GRIA4: variants seen among roughly 807,000 people sequenced by gnomAD.
GRIA4 encodes the protein glutamate receptor 4.
GRIA4 carries 34 observed loss-of-function variants against 104.0 expected under a neutral mutation model. That is an observed-to-expected ratio of 0.33 (90% CI 0.25 to 0.44). The LOEUF (loss-of-function observed/expected upper bound fraction) is 0.44, where lower values mean the gene tolerates loss of function less well. GRIA4 is among the 20% of genes least tolerant of loss of function. The pLI, the probability that GRIA4 is intolerant of heterozygous loss-of-function variation, is 1.00. For missense variants in GRIA4, 750 were observed against 1,096.5 expected (o/e 0.68, Z 4.46); for synonymous variants, 386 against 381.9 (o/e 1.01, Z -0.13).
chr11:105,688,517 C>G (rs936599578), intron 3 of GRIA4, among the ~76,000 whole-genome samples: 1 of 151,956 alleles, frequency 6.6e-6, no homozygotes, highest in Non-Finnish European at 1.5e-5. Context: ...GAGCCGAGAT[C>G]GTGCCACTGC....
chr11:105,905,348 T>C (rs377061133), intron 9 of GRIA4, 47 bp downstream of exon 9: 5 of 1,027,608 alleles, frequency 4.9e-6, no homozygotes, highest in Non-Finnish European at 7.7e-6. Flanking sequence ...TTTCTTAGTT[T>C]GTATGTAACA....
At chr11:105,643,636 A>T (rs1157964420) in intron 3 of GRIA4, among the ~76,000 whole-genome samples, 3 of 152,198 alleles carry the variant, frequency 2.0e-5, no homozygotes, top group African/African-American at 7.2e-5. Flanking sequence ...TGGTTATAGA[A>T]AAGGGGGTAG....
intron 4 of GRIA4, among the ~76,000 whole-genome samples, chr11:105,832,649 T>C (rs904988213): frequency 6.6e-6 from 1 of 151,974 alleles, no homozygotes; most frequent in African/African-American, 2.4e-5. Flanking sequence ...CTCAACTATA[T>C]TAAAGATCAA....
chr11:105,734,145 G>GC lies in GRIA4; in HGVS notation c.248-18835dup, dbSNP rs1271505080. On this transcript the variant is annotated intron_variant, in intron 3 of 16. Transcript: ENST00000282499. ...AGACACTGACAGATCTACTCAATTG[G>GC]CATTTTCCCTTGAATTTTCTCCAGG... 7.3e-5 allele frequency among the ~76,000 whole-genome samples: 11 copies of GC among 149,696 alleles called. 1 individual carries two copies. In the South Asian group the frequency reaches 2.1e-3, roughly 29 times the overall value.
At position 105,974,432 on chromosome 11, in the gene GRIA4, G is replaced by T. The variant is rs116838366; in HGVS notation, c.2532G>T (p.Ala844=). The change falls in exon 16 of 17, where the codon GCG becomes GCT. Residue 844 remains alanine, a synonymous_variant. Coordinates refer to ENST00000282499, the MANE Select transcript of GRIA4 (RefSeq NM_000829.4). ...IEFCYKSRAE[A]KRMKLTFSEA... Reference sequence around the variant, plus strand: ...TCTGTTACAAGTCCAGGGCAGAAGCGAAGAGAATGAAGGTGGCAAAGAGTG... The same window carrying T: ...TCTGTTACAAGTCCAGGGCAGAAGCTAAGAGAATGAAGGTGGCAAAGAGTG... The T allele has an allele frequency of 1.1e-5, 17 of 1,613,832 alleles. No individual in the cohort carries two copies. The South Asian group carries it at 1.8e-4, about 17-fold the overall frequency.
At chr11:105,801,277 CAGAAAAATT>C (rs1257378715) in intron 4 of GRIA4, among the ~76,000 whole-genome samples, 1 of 151,272 alleles carries the variant, frequency 6.6e-6, no homozygotes, top group Non-Finnish European at 1.5e-5. Context: ...GTGAAAAATA[CAGAAAAATT>C]AGATTGTGAT....
chr11:105,802,798 ATT>A (rs1942779143), intron 4 of GRIA4, among the ~76,000 whole-genome samples: 1 of 151,800 alleles, frequency 6.6e-6, no homozygotes, highest in African/African-American at 2.4e-5. Flanking sequence ...TTTATTTTTT[ATT>A]TGTTTATTTC....
intron 3 of GRIA4, among the ~76,000 whole-genome samples, chr11:105,679,233 T>G (rs921978669): frequency 3.3e-5 from 5 of 152,172 alleles, no homozygotes; most frequent in South Asian, 4.1e-4. Flanking sequence ...GCTGATTGGA[T>G]GAGAACCAAC....
At chr11:105,955,939 C>T (rs1487933604) in intron 14 of GRIA4, among the ~76,000 whole-genome samples, 1 of 152,092 alleles carries the variant, frequency 6.6e-6, no homozygotes, top group East Asian at 1.9e-4. Flanking sequence ...CGTGTCTGTT[C>T]ATGTGCTTTG....
chr11:105,628,250 T>G lies in GRIA4; in HGVS notation c.247+15816T>G, dbSNP rs146203125. Among the ~76,000 whole-genome samples the G allele has an allele frequency of 1.8e-4, 27 of 152,354 alleles. No homozygotes were observed. In the East Asian group the frequency reaches 5.0e-3, roughly 28 times the overall value. On this transcript the variant is annotated intron_variant, in intron 3 of 16. Transcript: ENST00000282499. ...CTTTGCCCACCATTATTTGCAAATT[T>G]ATTTCTTAAAAATGAAAATACAGCA...
At chr11:105,618,328 G>T (rs1357125613) in intron 3 of GRIA4, among the ~76,000 whole-genome samples, 1 of 151,910 alleles carries the variant, frequency 6.6e-6, no homozygotes, top group Non-Finnish European at 1.5e-5. Flanking sequence ...ATTGGAAGAG[G>T]ACAAAATAGG....
At chr11:105,975,283 C>T (rs186667722) in intron 16 of GRIA4, among the ~76,000 whole-genome samples, 68 of 152,076 alleles carry the variant, frequency 4.5e-4, no homozygotes, top group African/African-American at 1.5e-3. Context: ...CCATCAGAGA[C>T]GTCAGCAATA....
Position 105,979,833 on chromosome 11 carries a change from A to G in GRIA4, c.*94A>G. On this transcript the variant is annotated 3_prime_UTR_variant, in exon 17 of 17. Coordinates refer to ENST00000282499, the MANE Select transcript of GRIA4 (RefSeq NM_000829.4). ...CACGCCACGCGCGGGTCTTTGCTAAACCAATCCTTTGGCTGAGAGCGGGAA... is the reference window on the plus strand; with the variant it reads ...CACGCCACGCGCGGGTCTTTGCTAAGCCAATCCTTTGGCTGAGAGCGGGAA... 1.1e-6 allele frequency: 1 copy of G among 893,238 alleles called. No homozygotes were observed. Among genetic ancestry groups the G allele is most frequent in the East Asian group, 2.7e-5 (1 of 37,598 alleles). 55.3% of individuals were successfully genotyped at this position (893,238 alleles called of 1,614,324 possible).
intron 14 of GRIA4, among the ~76,000 whole-genome samples, chr11:105,954,157 G>A (rs2136245723): frequency 1.3e-5 from 2 of 152,234 alleles, no homozygotes; most frequent in Middle Eastern, 3.4e-3. Flanking sequence ...ATAAAGTAGA[G>A]CCCTCATAGA....
chr11:105,745,149 T>C (rs191031685), intron 3 of GRIA4, among the ~76,000 whole-genome samples: 5 of 152,254 alleles, frequency 3.3e-5, no homozygotes, highest in Admixed American at 6.5e-5. Context: ...TAACATTTTT[T>C]CCAAAATGTG....
At chr11:105,823,167 C>T (rs1943638320) in intron 4 of GRIA4, among the ~76,000 whole-genome samples, 2 of 152,060 alleles carry the variant, frequency 1.3e-5, no homozygotes, top group South Asian at 2.1e-4. Flanking sequence ...TCACTGCTTA[C>T]AAAACTTCAT....
chr11:105,852,302 C>T (rs1053896598), intron 4 of GRIA4, among the ~76,000 whole-genome samples: 3 of 152,010 alleles, frequency 2.0e-5, no homozygotes, highest in African/African-American at 7.2e-5. Flanking sequence ...ATGAAGAATC[C>T]GCAATCTACT....
In GRIA4 at chr11:105,766,929, C is replaced by T. The variant is rs78428540; in HGVS notation, c.487+13709C>T. Among the ~76,000 whole-genome samples, 1,417 of 152,234 alleles carry T rather than the reference C, an allele frequency of 9.3e-3. 16 individuals are homozygous for T. Among genetic ancestry groups the T allele is most frequent in the East Asian group, 0.053 (276 of 5,176 alleles). ...TCTCTGATGAACACCATTCTCCATC[C>T]TGATATTCCCTATTGTCCTTTCTTG... On this transcript the variant is annotated intron_variant, in intron 4 of 16. Coordinates refer to ENST00000282499, the MANE Select transcript of GRIA4 (RefSeq NM_000829.4).
chr11:105,866,183 C>T (rs550166704), intron 5 of GRIA4, among the ~76,000 whole-genome samples: 1 of 152,084 alleles, frequency 6.6e-6, no homozygotes, highest in Non-Finnish European at 1.5e-5. Context: ...TATGATTCTT[C>T]TCGTTCTCAC....
Sources: gnomAD v4.1 joint callset for allele counts (sites outside exome capture counted in the v4.1 genomes callset) on GRCh38, gnomAD v4.1.1 for gene constraint, MANE v1.5 for transcripts, NCBI Gene and HGNC (gene_info 2026-07-23, HGNC 2026-07-21) for gene names.